Variants in TMA7B observed in about 807,000 individuals in gnomAD.
TMA7B encodes the protein translation machinery associated 7 homolog B.
At chr22:39,961,930 A>C in the TMA7B span, among the ~76,000 whole-genome samples, 1 of 152,264 alleles carries the variant, frequency 6.6e-6, no homozygotes. Flanking sequence ...ATAACAGGTC[A>C]ACAATTTGTA....
At chr22:39,961,381 T>C in the TMA7B span, among the ~76,000 whole-genome samples, 3 of 152,150 alleles carry the variant, frequency 2.0e-5, no homozygotes, top group Non-Finnish European at 4.4e-5. Context: ...CTCCTTTGGT[T>C]CGAAGCACTC....
chr22:39,962,416 C>A, the TMA7B span, among the ~76,000 whole-genome samples: 53 of 151,946 alleles, frequency 3.5e-4, no homozygotes, highest in Non-Finnish European at 4.9e-4. Flanking sequence ...CAGAGCAAGA[C>A]CCTGTCTCAA....
At chr22:39,963,302 C>A in the TMA7B span, among the ~76,000 whole-genome samples, 14 of 152,318 alleles carry the variant, frequency 9.2e-5, no homozygotes, top group African/African-American at 3.4e-4. Context: ...AGGCTTGAGA[C>A]AATGGTCAGG....
At chr22:39,964,462 AAGCAGAAACAAAAAGAGG>A in the TMA7B span, 1 of 1,014,616 alleles carries the variant, frequency 9.9e-7, no homozygotes, top group Non-Finnish European at 1.5e-6. Flanking sequence ...GAAGGCTTTC[AAGCAGAAACAAAAAGAGG>A]AGCAGAAGAA....
At chr22:39,961,663 G>A in the TMA7B span, among the ~76,000 whole-genome samples, 4,992 of 152,314 alleles carry the variant, frequency 0.033, 115 homozygotes, top group Non-Finnish European at 0.049. Flanking sequence ...AGCATGTTGA[G>A]GATCGCAAGT....
chr22:39,962,158 C>T, the TMA7B span, among the ~76,000 whole-genome samples: 1 of 152,210 alleles, frequency 6.6e-6, no homozygotes, highest in East Asian at 1.9e-4. Flanking sequence ...CGCCGTGGCT[C>T]ATGCCTCTAA....
At chr22:39,963,418 G>A in the TMA7B span, among the ~76,000 whole-genome samples, 1 of 152,178 alleles carries the variant, frequency 6.6e-6, no homozygotes, top group Non-Finnish European at 1.5e-5. Flanking sequence ...GTTCTTTGAG[G>A]TGGTGGATGA....
At chr22:39,963,221 T>G in the TMA7B span, among the ~76,000 whole-genome samples, 1 of 152,186 alleles carries the variant, frequency 6.6e-6, no homozygotes, top group Non-Finnish European at 1.5e-5. Flanking sequence ...ACTCAGCATT[T>G]GTTAAGGGCC....
the TMA7B span, chr22:39,964,250 C>G: frequency 1.7e-6 from 1 of 602,240 alleles, no homozygotes; most frequent in African/African-American, 1.9e-5. Context: ...TGGATAAAAT[C>G]CATTTTCTCT....
chr22:39,964,544 G>T, the TMA7B span: 5 of 848,934 alleles, frequency 5.9e-6, no homozygotes, highest in Non-Finnish European at 1.0e-5. Context: ...GCCACAGGTG[G>T]AATTAAGAAA....
At chr22:39,961,300 C>T in the TMA7B span, among the ~76,000 whole-genome samples, 3 of 151,976 alleles carry the variant, frequency 2.0e-5, no homozygotes, top group African/African-American at 4.8e-5. Context: ...GAAAGAGGAG[C>T]GGGAGACAGG....
chr22:39,964,263 C>A, the TMA7B span: 1 of 620,334 alleles, frequency 1.6e-6, no homozygotes. Context: ...TTTTCTCTAG[C>A]CCTGGTTCGA....
chr22:39,964,601 C>T, the TMA7B span: 1 of 751,664 alleles, frequency 1.3e-6, no homozygotes, highest in African/African-American at 1.7e-5. Context: ...GACGGTGACC[C>T]TTTATTTCAT....
At chr22:39,964,337 G>A in the TMA7B span, 7 of 701,496 alleles carry the variant, frequency 1.0e-5, no homozygotes, top group Non-Finnish European at 1.5e-5. Flanking sequence ...AGAAGTTATC[G>A]TCCAGTGGCA....
the TMA7B span, chr22:39,964,231 C>A: frequency 1.7e-6 from 1 of 586,426 alleles, no homozygotes; most frequent in South Asian, 2.2e-5. Flanking sequence ...TCAGCCCACC[C>A]TTCCTAGATG....
At chr22:39,964,314 G>A in the TMA7B span, 1 of 686,522 alleles carries the variant, frequency 1.5e-6, no homozygotes, top group South Asian at 1.6e-5. Flanking sequence ...GCAACAAAAG[G>A]TGCTGATCTA....
chr22:39,964,715 T>TTAA, the TMA7B span: 3 of 308,560 alleles, frequency 9.7e-6, no homozygotes, highest in African/African-American at 2.5e-5. Flanking sequence ...TAAACTTTTG[T>TTAA]AAAAAAAAAA....
chr22:39,960,465 A>C, the TMA7B span: 3 of 370,232 alleles, frequency 8.1e-6, no homozygotes, highest in Non-Finnish European at 1.5e-5. Context: ...CTTCATCTTT[A>C]TGCCTTTAAC....
At chr22:39,963,253 C>T in the TMA7B span, among the ~76,000 whole-genome samples, 1 of 152,314 alleles carries the variant, frequency 6.6e-6, no homozygotes, top group East Asian at 1.9e-4. Flanking sequence ...ATTTTGGAGT[C>T]CAGCGCCCTG....
Sources: allele counts gnomAD v4.1 joint callset (sites outside exome capture counted in the v4.1 genomes callset), GRCh38; gene constraint gnomAD v4.1.1; transcripts MANE v1.5; gene names NCBI Gene and HGNC (gene_info 2026-07-23, HGNC 2026-07-21).